The following DEPTOR variants were observed in gnomAD, a reference collection of about 807,000 sequenced individuals.
DEPTOR encodes DEP domain containing MTOR interacting protein, also known as DEP domain-containing mTOR-interacting protein.
A neutral mutation model predicts 41.6 loss-of-function variants in DEPTOR; 41 were observed. That is an observed-to-expected ratio of 0.98 (90% CI 0.77 to 1.28). DEPTOR has a LOEUF of 1.28. Among genes scored for constraint, DEPTOR ranks in the 50% most tolerant of loss-of-function variants. The probability of loss-of-function intolerance (pLI) is 0.00; values close to 1 mark genes in which losing one functional copy is unlikely to be tolerated. For missense variants in DEPTOR, 514 were observed against 527.9 expected (o/e 0.97, Z 0.26); for synonymous variants, 195 against 192.3 (o/e 1.01, Z -0.12).
At chr8:119,965,433 G>C (rs750985725) in intron 4 of DEPTOR, 23 bp downstream of exon 4, 1 of 1,603,258 alleles carries the variant, frequency 6.2e-7, no homozygotes, top group Non-Finnish European at 8.5e-7. Context: ...GGCAGCTTTT[G>C]CTGCAGGAAC....
At chr8:119,983,238 TTTTC>T (rs1828789325) in intron 4 of DEPTOR, among the ~76,000 whole-genome samples, 2 of 151,878 alleles carry the variant, frequency 1.3e-5, no homozygotes, top group Admixed American at 6.6e-5. Flanking sequence ...CTTTTCTTTT[TTTTC>T]TTTCTTTTTC....
intron 8 of DEPTOR, among the ~76,000 whole-genome samples, chr8:120,028,781 G>GT (rs1346656063): frequency 6.6e-6 from 1 of 150,682 alleles, no homozygotes; most frequent in African/African-American, 2.4e-5. Flanking sequence ...TCTAAAAACA[G>GT]TTTTTTAAAA....
chr8:120,002,791 A>AAAAAAAAAATATATATAT, intron 5 of DEPTOR, among the ~76,000 whole-genome samples, 186 bp from the exon 6 acceptor site: 3 of 60,670 alleles, frequency 4.9e-5, no homozygotes, highest in Admixed American at 5.1e-4. Context: ...AAAAAAAAAA[A>AAAAAAAAAATATATATAT]ATATATATAT....
chr8:119,977,627 G>A (rs1469309365), intron 4 of DEPTOR, among the ~76,000 whole-genome samples: 1 of 152,178 alleles, frequency 6.6e-6, no homozygotes, highest in African/African-American at 2.4e-5. Flanking sequence ...AATGTAAATA[G>A]AAAGGAACAG....
At chr8:119,976,910 G>C (rs1039847463) in intron 4 of DEPTOR, among the ~76,000 whole-genome samples, 3 of 152,184 alleles carry the variant, frequency 2.0e-5, no homozygotes, top group African/African-American at 7.2e-5. Flanking sequence ...ACAGGAAAAT[G>C]AGTGCTTGGC....
chr8:119,891,262 ACT>A (rs1312941438), intron 1 of DEPTOR: 1 of 151,634 alleles, frequency 6.6e-6, no homozygotes, highest in Non-Finnish European at 1.5e-5. Context: ...CCTTGATTCT[ACT>A]CTGAGCTTTC....
intron 3 of DEPTOR, among the ~76,000 whole-genome samples, chr8:119,951,270 A>G (rs992512569): frequency 1.3e-5 from 2 of 152,182 alleles, no homozygotes; most frequent in African/African-American, 4.8e-5. Flanking sequence ...GAGCCTTTAT[A>G]ATAGGTTTTA....
chr8:120,006,343 G>A (rs1812437281), intron 6 of DEPTOR, among the ~76,000 whole-genome samples: 2 of 152,030 alleles, frequency 1.3e-5, no homozygotes, highest in Admixed American at 6.6e-5. Context: ...GGCCAACATG[G>A]TGAAACCCTG....
chr8:119,916,533 A>G (rs1013328230), intron 1 of DEPTOR, among the ~76,000 whole-genome samples: 1 of 152,206 alleles, frequency 6.6e-6, no homozygotes, highest in Non-Finnish European at 1.5e-5. Flanking sequence ...AAGCTTTTAA[A>G]GAATTAAAGT....
At chr8:119,976,393 A>G (rs906468487) in intron 4 of DEPTOR, among the ~76,000 whole-genome samples, 2 of 152,136 alleles carry the variant, frequency 1.3e-5, no homozygotes, top group African/African-American at 2.4e-5. Flanking sequence ...TACGATATAT[A>G]TATATCGTAT....
At chr8:119,997,967 C>T (rs1447123285) in intron 4 of DEPTOR, among the ~76,000 whole-genome samples, 1 of 152,012 alleles carries the variant, frequency 6.6e-6, no homozygotes, top group Non-Finnish European at 1.5e-5. Context: ...AAAAAAGTTG[C>T]CAGGATTGAA....
chr8:119,926,732 C>G (rs552464108), intron 1 of DEPTOR, among the ~76,000 whole-genome samples: 12 of 152,296 alleles, frequency 7.9e-5, no homozygotes, highest in Admixed American at 3.3e-4. Context: ...ATATCCTCAT[C>G]TCTGTTACTA....
At chr8:120,007,608 C>T (rs1812463800) in intron 7 of DEPTOR, among the ~76,000 whole-genome samples, 1 of 152,334 alleles carries the variant, frequency 6.6e-6, no homozygotes, top group Admixed American at 6.5e-5. Flanking sequence ...ATACCCTCTT[C>T]AAAACACTTC....
intron 4 of DEPTOR, among the ~76,000 whole-genome samples, chr8:119,991,092 CTTT>C (rs1812164041): frequency 1.1e-4 from 6 of 55,498 alleles, no homozygotes; most frequent in Admixed American, 1.8e-4. Context: ...CTTTCTTTTT[CTTT>C]CTTTCTTTCT....
intron 4 of DEPTOR, among the ~76,000 whole-genome samples, chr8:119,978,355 G>C (rs1033749855): frequency 2.3e-4 from 35 of 152,158 alleles, no homozygotes; most frequent in African/African-American, 8.0e-4. Flanking sequence ...AGGCTCGCTA[G>C]AAGAGCATAT....
At chr8:120,030,334 C>T (rs1481895845) in intron 8 of DEPTOR, among the ~76,000 whole-genome samples, 1 of 151,666 alleles carries the variant, frequency 6.6e-6, no homozygotes, top group African/African-American at 2.4e-5. Context: ...AAAAAAGTAC[C>T]TGTTTGAATG....
intron 1 of DEPTOR, among the ~76,000 whole-genome samples, chr8:119,886,791 A>C (rs970133545): frequency 2.0e-5 from 3 of 151,974 alleles, no homozygotes; most frequent in African/African-American, 7.3e-5. Flanking sequence ...TAATCCTTAA[A>C]TTTATAATAG....
intron 8 of DEPTOR, among the ~76,000 whole-genome samples, chr8:120,040,582 T>C (rs1050724747): frequency 8.5e-5 from 13 of 152,162 alleles, no homozygotes; most frequent in Admixed American, 1.3e-4. Context: ...ATTTACACTA[T>C]GGTTTGAGAG....
In DEPTOR at chr8:120,001,656, T is replaced by C. The variant is rs1320305662; in HGVS notation, c.736T>C (p.Phe246Leu). The change falls in exon 5 of 9, where the codon TTC becomes CTC. Residue 246 changes from phenylalanine to leucine, a missense_variant. By Grantham distance (22) the Phe-to-Leu change is conservative. Transcript: ENST00000286234. ...CTCCCAGGAAACTCATGACAGTCCC[T>C]TCTGCCTGAGGAAGCAGAGCCATGA... Reference protein sequence around the residue: ...PSSQETHDSPFCLRKQSHDNR... With the variant: ...PSSQETHDSPLCLRKQSHDNR... The C allele has an allele frequency of 6.2e-7, 1 of 1,614,064 alleles. No individual in the cohort carries two copies. The highest frequency in any genetic ancestry group is 2.2e-5 in the East Asian group (1 of 44,870).
Sources: gnomAD v4.1 joint callset for allele counts (sites outside exome capture counted in the v4.1 genomes callset) on GRCh38, gnomAD v4.1.1 for gene constraint, MANE v1.5 for transcripts, NCBI Gene and HGNC (gene_info 2026-07-23, HGNC 2026-07-21) for gene names.